KIRREL1: variants seen among roughly 807,000 people sequenced by gnomAD.
KIRREL1 encodes the protein kirre like nephrin family adhesion molecule 1, also known as kin of IRRE-like protein 1.
KIRREL1 carries 25 observed loss-of-function variants against 83.3 expected under a neutral mutation model. The ratio of observed to expected loss-of-function variants is 0.30; its 90% CI spans 0.22 to 0.42. The LOEUF is 0.42. Among genes scored for constraint, KIRREL1 ranks in the 10% least tolerant of loss-of-function variants. The pLI, the probability that KIRREL1 is intolerant of heterozygous loss-of-function variation, is 1.00. For missense variants in KIRREL1, 812 were observed against 1,032.3 expected (o/e 0.79, Z 2.92); for synonymous variants, 388 against 410.4 (o/e 0.95, Z 0.66).
intron 1 of KIRREL1, among the ~76,000 whole-genome samples, chr1:158,000,348 A>G (rs1371026176): frequency 6.6e-6 from 1 of 152,198 alleles, no homozygotes; most frequent in Non-Finnish European, 1.5e-5. Flanking sequence ...TTCCAGCCAT[A>G]GCAGCCCTCC....
intron 1 of KIRREL1, among the ~76,000 whole-genome samples, chr1:157,996,141 G>C (rs924165858): frequency 2.0e-5 from 3 of 152,008 alleles, no homozygotes; most frequent in Non-Finnish European, 4.4e-5. Flanking sequence ...GCAGAGAGGA[G>C]AGGGGAAGGG....
chr1:158,093,698 C>G lies in KIRREL1; in HGVS notation c.1655C>G (p.Ser552Cys). The G allele has an allele frequency of 6.2e-7, 1 of 1,614,206 alleles. No homozygotes were observed. Residue 552 changes from serine (S) to cysteine (C), a missense_variant, in exon 13 of 15, where the codon TCT (serine) becomes TGT (cysteine). Ser to Cys is a moderately radical substitution (Grantham distance 112). This residue lies in a region of KIRREL1 where 334 missense variants were observed against 383.7 expected (regional missense o/e 0.87). Transcript: ENST00000359209. ...TVNREPLTMH[S>C]DREDDTASVS... ...AACCGAGAGCCACTTACGATGCATTCTGACCGGGAGGATGACACCGCCAGC... is the reference window on the plus strand; with the variant it reads ...AACCGAGAGCCACTTACGATGCATTGTGACCGGGAGGATGACACCGCCAGC...
chr1:158,041,740 C>A (rs565722126), intron 1 of KIRREL1, among the ~76,000 whole-genome samples: 1 of 152,126 alleles, frequency 6.6e-6, no homozygotes, highest in Admixed American at 6.5e-5. Flanking sequence ...CTACTGTGTG[C>A]GTGATGGTGA....
intron 1 of KIRREL1, among the ~76,000 whole-genome samples, chr1:158,048,168 A>G (rs1226326749): frequency 6.6e-6 from 1 of 152,236 alleles, no homozygotes; most frequent in Non-Finnish European, 1.5e-5. Context: ...TATTGCGTCC[A>G]AAAAATTAGG....
intron 3 of KIRREL1, among the ~76,000 whole-genome samples, chr1:158,078,815 G>A (rs113846693): frequency 9.3e-4 from 141 of 152,270 alleles, no homozygotes; most frequent in African/African-American, 3.1e-3. Context: ...GAAGCCCTGC[G>A]CCAGCCAGGC....
intron 1 of KIRREL1, among the ~76,000 whole-genome samples, chr1:157,995,936 G>A (rs945786304): frequency 9.2e-5 from 14 of 151,936 alleles, no homozygotes; most frequent in Admixed American, 2.6e-4. Flanking sequence ...TGGGGAGACT[G>A]GGACACACAT....
At chr1:158,087,650 C>T (rs1662054185) in intron 5 of KIRREL1, 105 bp from the exon 6 acceptor site, 2 of 743,434 alleles carry the variant, frequency 2.7e-6, no homozygotes, top group East Asian at 2.7e-5. Context: ...ACCTCAAATT[C>T]CTAGATCCCC....
At chr1:158,017,813 C>T (rs1659875473) in intron 1 of KIRREL1, among the ~76,000 whole-genome samples, 3 of 150,490 alleles carry the variant, frequency 2.0e-5, no homozygotes, top group African/African-American at 7.3e-5. Context: ...AAGAAGGCAG[C>T]CCTCCCTCTC....
chr1:158,019,510 C>T (rs1477523973), intron 1 of KIRREL1, among the ~76,000 whole-genome samples: 1 of 151,876 alleles, frequency 6.6e-6, no homozygotes, highest in Non-Finnish European at 1.5e-5. Flanking sequence ...ATATGGGGGT[C>T]GCATTTGGGC....
intron 1 of KIRREL1, among the ~76,000 whole-genome samples, chr1:158,069,568 A>G (rs1356789085): frequency 6.6e-6 from 1 of 152,004 alleles, no homozygotes; most frequent in Non-Finnish European, 1.5e-5. Flanking sequence ...GTTAAGAGGG[A>G]GAGAGTGCTC....
At chr1:158,061,876 G>T (rs1661223071) in intron 1 of KIRREL1, among the ~76,000 whole-genome samples, 2 of 152,190 alleles carry the variant, frequency 1.3e-5, no homozygotes, top group South Asian at 4.1e-4. Context: ...TGCATAGCAG[G>T]CTGTGGATGG....
chr1:158,009,315 C>T (rs1335158186), intron 1 of KIRREL1, among the ~76,000 whole-genome samples: 2 of 152,202 alleles, frequency 1.3e-5, no homozygotes, highest in Non-Finnish European at 2.9e-5. Flanking sequence ...GATCCTACTT[C>T]TTTGCCATTA....
At chr1:158,022,326 A>G (rs1436898228) in intron 1 of KIRREL1, among the ~76,000 whole-genome samples, 1 of 152,214 alleles carries the variant, frequency 6.6e-6, no homozygotes, top group Non-Finnish European at 1.5e-5. Flanking sequence ...ACTTGTGCTA[A>G]ACACCTACTA....
At position 158,073,239 on chromosome 1, in the gene KIRREL1, A is replaced by G. The variant is rs114183528; in HGVS notation, c.53-2874A>G. Among the ~76,000 whole-genome samples the G allele has an allele frequency of 9.1e-3, 1,381 of 152,210 alleles. 14 individuals are homozygous for G. The highest frequency in any genetic ancestry group is 0.032 in the African/African-American group (1,310 of 41,524). ...TCCCCTCCTTTCTGGACTCTCTGCA[A>G]GGTTATTACTTCCATGCCCCTGTGT... On this transcript the variant is annotated intron_variant, in intron 1 of 14. Coordinates refer to ENST00000359209, the MANE Select transcript of KIRREL1 (RefSeq NM_018240.7).
Position 158,088,471 on chromosome 1 carries a change from C to CTT in KIRREL1, c.1044+18_1044+19insTT. 7.8e-7 allele frequency: 1 copy of CTT among 1,285,792 alleles called. No homozygotes were observed. The highest frequency in any genetic ancestry group is 1.1e-6 in the Non-Finnish European group (1 of 935,170). The allele number at this position is 1,285,792 out of a possible 1,614,324, so 79.6% of individuals were successfully genotyped here. ...TCAAATATGGTAAGACTCTTACTGC[C>CTT]TGTTCTTTTTTTTTTTTTTTTTTTT... On this transcript the variant is annotated intron_variant, in intron 8 of 14. Coordinates refer to ENST00000359209, the MANE Select transcript of KIRREL1 (RefSeq NM_018240.7).
rs1471720003 is a variant in KIRREL1 at position 158,091,441 on chromosome 1, G to A, written c.1356G>A (p.Val452=). The change falls in exon 11 of 15, where the codon GTG becomes GTA. Residue 452 remains valine, a synonymous_variant. Transcript: ENST00000359209. ...AGAGGACCAACTCAGGCAGTGGGGTGCTATCCACGCTCACCATCAACAATG... is the reference window on the plus strand; with the variant it reads ...AGAGGACCAACTCAGGCAGTGGGGTACTATCCACGCTCACCATCAACAATG... ...TVERTNSGSG[V]LSTLTINNVM... is the part of the protein sequence containing the mutation. 4 of 1,614,082 alleles carry A rather than the reference G, an allele frequency of 2.5e-6. No individual in the cohort carries two copies. Among genetic ancestry groups the A allele is most frequent in the East Asian group, 4.5e-5 (2 of 44,896 alleles).
chr1:158,068,874 T>C (rs1661429737), intron 1 of KIRREL1, among the ~76,000 whole-genome samples: 2 of 150,592 alleles, frequency 1.3e-5, no homozygotes, highest in South Asian at 2.1e-4. Flanking sequence ...GAGAGTGGAG[T>C]GTGGAGAGAT....
chr1:158,013,194 G>GCCC (rs1191075463), intron 1 of KIRREL1, among the ~76,000 whole-genome samples: 2 of 152,180 alleles, frequency 1.3e-5, no homozygotes, highest in East Asian at 3.8e-4. Flanking sequence ...AGAGGTTTAT[G>GCCC]TTGTTGAGGA....
chr1:158,064,554 G>C (rs59428074), intron 1 of KIRREL1, among the ~76,000 whole-genome samples: 14,313 of 152,280 alleles, frequency 0.094, 830 homozygotes, highest in African/African-American at 0.16. Flanking sequence ...GAGCATTGCT[G>C]CCAGGTGGCC....
Sources: gnomAD v4.1 joint callset for allele counts (sites outside exome capture counted in the v4.1 genomes callset) on GRCh38, gnomAD v4.1.1 for gene constraint, gnomAD v4.1.1 regional missense constraint, MANE v1.5 for transcripts, NCBI Gene and HGNC (gene_info 2026-07-23, HGNC 2026-07-21) for gene names.